FGF14: variants seen among roughly 807,000 people sequenced by gnomAD.
The protein encoded by FGF14 is fibroblast growth factor 14, also known as fibroblast growth factor homologous factor 4.
A neutral mutation model predicts 25.5 loss-of-function variants in FGF14; 5 were observed. The ratio of observed to expected loss-of-function variants is 0.20; its 90% CI spans 0.10 to 0.41. The LOEUF is 0.41. FGF14 is among the 10% of genes least tolerant of loss of function. FGF14 has a pLI of 1.00. For missense variants in FGF14, 222 were observed against 320.1 expected (o/e 0.69, Z 2.34); for synonymous variants, 138 against 118.3 (o/e 1.17, Z -1.08).
At chr13:102,079,962 A>C (rs2043541215) in intron 1 of FGF14, among the ~76,000 whole-genome samples, 1 of 152,200 alleles carries the variant, frequency 6.6e-6, no homozygotes. Context: ...TGTATGAGAC[A>C]TGGCCAGTAG....
At chr13:102,210,619 C>T (rs2050117020) in intron 1 of FGF14, among the ~76,000 whole-genome samples, 2 of 152,144 alleles carry the variant, frequency 1.3e-5, no homozygotes. Context: ...CTCTTAGCTA[C>T]TTATTGTTAT....
At chr13:102,074,005 G>C (rs1566651268) in intron 1 of FGF14, among the ~76,000 whole-genome samples, 1 of 152,106 alleles carries the variant, frequency 6.6e-6, no homozygotes, top group Non-Finnish European at 1.5e-5. Flanking sequence ...ATAAAAGAAG[G>C]AAGAGCTATC....
chr13:101,854,959 T>C (rs1305561650), intron 3 of FGF14, among the ~76,000 whole-genome samples: 1 of 152,006 alleles, frequency 6.6e-6, no homozygotes, highest in Non-Finnish European at 1.5e-5. Flanking sequence ...TGAGTACATA[T>C]CAGAATACCA....
chr13:102,155,995 T>G (rs1010886068), intron 1 of FGF14, among the ~76,000 whole-genome samples: 71 of 152,090 alleles, frequency 4.7e-4, no homozygotes, highest in Non-Finnish European at 8.8e-4. Flanking sequence ...AATAATAGGC[T>G]CTGAAATTGA....
chr13:102,247,523 T>A (rs1381027867), intron 1 of FGF14, among the ~76,000 whole-genome samples: 2 of 151,924 alleles, frequency 1.3e-5, no homozygotes, highest in Non-Finnish European at 2.9e-5. Context: ...AAAATGTAAA[T>A]CAAAACCACA....
intron 1 of FGF14, among the ~76,000 whole-genome samples, chr13:102,353,012 T>C (rs191261241): frequency 1.3e-5 from 2 of 152,232 alleles, no homozygotes; most frequent in Non-Finnish European, 2.9e-5. Context: ...TCATCTTCTA[T>C]AAACACTATG....
chr13:101,827,262 T>C (rs1349341225), intron 3 of FGF14, among the ~76,000 whole-genome samples: 1 of 151,970 alleles, frequency 6.6e-6, no homozygotes, highest in Non-Finnish European at 1.5e-5. Flanking sequence ...TTGGTGTAAA[T>C]AACCTTCTTT....
chr13:102,379,027 G>A (rs1046831922), intron 1 of FGF14, among the ~76,000 whole-genome samples: 2 of 152,040 alleles, frequency 1.3e-5, no homozygotes, highest in Non-Finnish European at 2.9e-5. Context: ...CTATGAAGGA[G>A]GACATAAAAG....
intron 3 of FGF14, among the ~76,000 whole-genome samples, chr13:101,810,224 C>T (rs1406534343): frequency 6.6e-6 from 1 of 152,040 alleles, no homozygotes; most frequent in African/African-American, 2.4e-5. Flanking sequence ...AAGTTTTAGC[C>T]CTGCAGTTTT....
At chr13:102,354,207 T>C (rs532433524) in intron 1 of FGF14, 187 of 152,398 alleles carry the variant, frequency 1.2e-3, no homozygotes, top group African/African-American at 4.4e-3. Context: ...TGTAAATTGA[T>C]AGCTTATCTT....
intron 1 of FGF14, among the ~76,000 whole-genome samples, chr13:102,136,627 G>A (rs1016667456): frequency 6.8e-6 from 1 of 147,954 alleles, no homozygotes; most frequent in Admixed American, 6.8e-5. Flanking sequence ...AAGCCTAGCT[G>A]TAAAGCAGCC....
At chr13:102,146,128 C>G (rs1406972394) in intron 1 of FGF14, among the ~76,000 whole-genome samples, 1 of 152,214 alleles carries the variant, frequency 6.6e-6, no homozygotes, top group East Asian at 1.9e-4. Flanking sequence ...TGTACAAAGT[C>G]ACTTCACAAT....
intron 1 of FGF14, among the ~76,000 whole-genome samples, chr13:102,166,066 G>A (rs527560568): frequency 6.6e-6 from 1 of 151,178 alleles, no homozygotes; most frequent in Non-Finnish European, 1.5e-5. Flanking sequence ...CAGAAACTCT[G>A]CATCCATTGA....
intron 1 of FGF14, among the ~76,000 whole-genome samples, chr13:102,070,866 G>A (rs1436702987): frequency 1.3e-5 from 2 of 152,136 alleles, no homozygotes; most frequent in Non-Finnish European, 2.9e-5. Context: ...ATAATGCCAT[G>A]AAGCCGAAAC....
intron 3 of FGF14, among the ~76,000 whole-genome samples, chr13:101,822,449 T>C (rs956854954): frequency 4.6e-5 from 7 of 151,828 alleles, no homozygotes; most frequent in African/African-American, 1.5e-4. Context: ...TTCAATAACA[T>C]TGACATTTCC....
intron 1 of FGF14, among the ~76,000 whole-genome samples, chr13:102,052,611 G>A (rs1179846116): frequency 6.6e-6 from 1 of 151,400 alleles, no homozygotes; most frequent in Non-Finnish European, 1.5e-5. Flanking sequence ...TATAGGCCAG[G>A]AAAAAGTGAA....
At chr13:102,125,807 C>T (rs936961209) in intron 1 of FGF14, among the ~76,000 whole-genome samples, 6 of 152,084 alleles carry the variant, frequency 3.9e-5, no homozygotes, top group African/African-American at 1.2e-4. Context: ...ATTATTTCAA[C>T]AAATATTCAT....
intron 1 of FGF14, among the ~76,000 whole-genome samples, chr13:102,057,114 C>A (rs1185448743): frequency 1.3e-5 from 2 of 151,514 alleles, no homozygotes; most frequent in Non-Finnish European, 2.9e-5. Context: ...AAAATGAAAG[C>A]AGAAAAAGTA....
At chr13:102,063,670 GA>G (rs1000773954) in intron 1 of FGF14, among the ~76,000 whole-genome samples, 4 of 151,420 alleles carry the variant, frequency 2.6e-5, no homozygotes, top group Non-Finnish European at 5.9e-5. Context: ...TTAAAATCAT[GA>G]AAAAAAGAAT....
Sources: gnomAD v4.1 joint callset for allele counts (sites outside exome capture counted in the v4.1 genomes callset) on GRCh38, gnomAD v4.1.1 for gene constraint, MANE v1.5 for transcripts, NCBI Gene and HGNC (gene_info 2026-07-23, HGNC 2026-07-21) for gene names.